SDK1: variants seen among roughly 807,000 people sequenced by gnomAD.
The protein encoded by SDK1 is protein sidekick-1.
Under a neutral mutation model 245.5 loss-of-function variants are expected in SDK1, and 157 were observed. The ratio of observed to expected loss-of-function variants is 0.64; its 90% CI spans 0.56 to 0.73. The LOEUF is 0.73. Ranked by LOEUF, SDK1 falls within the 30% of genes least tolerant of loss-of-function variation. SDK1 has a pLI of 0.00. For synonymous variants in SDK1, 1,647 were observed against 1,278.5 expected, an observed-to-expected ratio of 1.29 and a Z score of -6.15; for missense variants, 3,583 against 3,002.3, an observed-to-expected ratio of 1.19 and a Z score of -4.52.
chr7:3,472,976 A>G (rs906822614), intron 1 of SDK1, among the ~76,000 whole-genome samples: 2 of 151,852 alleles, frequency 1.3e-5, no homozygotes, highest in Non-Finnish European at 2.9e-5. Flanking sequence ...CTGCTATTTG[A>G]CCCTTTCCCT....
intron 1 of SDK1, among the ~76,000 whole-genome samples, chr7:3,535,885 AT>A (rs1440866061): frequency 6.6e-6 from 1 of 151,978 alleles, no homozygotes; most frequent in Non-Finnish European, 1.5e-5. Flanking sequence ...GCACTATATC[AT>A]TTTTTCTCAC....
intron 38 of SDK1, among the ~76,000 whole-genome samples, chr7:4,218,488 A>G (rs1433801150): frequency 6.6e-6 from 1 of 152,268 alleles, no homozygotes; most frequent in Non-Finnish European, 1.5e-5. Context: ...GAAAACACTG[A>G]ACCAGCTAGA....
intron 6 of SDK1, 125 bp downstream of exon 6, chr7:3,951,159 G>T (rs1189547074): frequency 2.8e-6 from 2 of 714,268 alleles, no homozygotes; most frequent in African/African-American, 1.8e-5. Context: ...GTTTGGCCGG[G>T]TGGGCCATGA....
intron 4 of SDK1, among the ~76,000 whole-genome samples, chr7:3,730,766 AG>A (rs1779153059): frequency 6.6e-6 from 1 of 152,166 alleles, no homozygotes; most frequent in Non-Finnish European, 1.5e-5. Context: ...GAAGAGCCTC[AG>A]ACATAGCAAG....
Position 3,950,944 on chromosome 7 carries a change from C to G in SDK1, c.869C>G (p.Thr290Ser), listed in dbSNP as rs556806737. ...SIARDVGTPE[T>S]MAPTIVVPPG... ...ACAGGAGATGTTGGCACACCTGAAA[C>G]CATGGCCCCAACCATTGTGGTTCCC... The change falls in exon 6 of 45, where the codon ACC becomes AGC. Residue 290 changes from threonine (T) to serine (S), a missense_variant. Thr to Ser is a moderately conservative substitution (Grantham distance 58). Coordinates refer to ENST00000404826, the MANE Select transcript of SDK1 (RefSeq NM_152744.4). 8.1e-6 allele frequency: 13 copies of G among 1,613,928 alleles called. No individual in the cohort carries two copies. In the East Asian group the frequency reaches 2.7e-4, roughly 33 times the overall value.
chr7:4,042,494 G>A lies in SDK1; in HGVS notation c.2603-6854G>A, dbSNP rs575094126. 3.7e-5 allele frequency among the ~76,000 whole-genome samples: 5 copies of A among 136,496 alleles called. 2 individuals are homozygous for A. Among genetic ancestry groups the A allele is most frequent in the African/African-American group, 6.7e-5 (2 of 29,856 alleles). 89.5% of individuals were successfully genotyped at this position (136,496 alleles called of 152,430 possible). A position where few individuals can be genotyped will look rare whatever the true frequency, so the allele number is the denominator to read the frequency against. On this transcript the variant is annotated intron_variant, in intron 17 of 44. Coordinates refer to ENST00000404826, the MANE Select transcript of SDK1 (RefSeq NM_152744.4). ...AGAGCCAGCTCAGCCAGGTGCCTGC[G>A]TGGGGGGAATTATCCAGTGAAAAGA...
intron 30 of SDK1, among the ~76,000 whole-genome samples, chr7:4,155,736 A>T (rs1417086461): frequency 2.0e-5 from 3 of 152,170 alleles, no homozygotes; most frequent in East Asian, 1.9e-4. Flanking sequence ...AACTTCGCAG[A>T]TGGGGAATAG....
At chr7:3,408,665 A>G (rs972842952) in intron 1 of SDK1, among the ~76,000 whole-genome samples, 28 of 152,154 alleles carry the variant, frequency 1.8e-4, no homozygotes, top group African/African-American at 5.1e-4. Flanking sequence ...AAACGTATCA[A>G]TTTGACCTGT....
At chr7:3,767,578 C>T (rs1043750112) in intron 4 of SDK1, among the ~76,000 whole-genome samples, 5 of 152,154 alleles carry the variant, frequency 3.3e-5, no homozygotes, top group African/African-American at 9.7e-5. Context: ...GGTGTAAATA[C>T]TTTACATGTG....
At position 3,603,986 on chromosome 7, in the gene SDK1, A is replaced by G. The variant is rs576713310; in HGVS notation, c.299-15094A>G. Among the ~76,000 whole-genome samples, 235 of 152,262 alleles carry G rather than the reference A, an allele frequency of 1.5e-3. 2 individuals are homozygous for G. The highest frequency in any genetic ancestry group is 6.8e-3 in the Middle Eastern group (2 of 294). ...TCTGTTTATATGCTGGATTACCTTT[A>G]TTGATTTGCGTATGTTGAACCAGCC... On this transcript the variant is annotated intron_variant, in intron 1 of 44. Transcript: ENST00000404826.
At chr7:3,987,119 G>A in intron 13 of SDK1, 67 bp from the exon 14 acceptor site, 1 of 1,544,432 alleles carries the variant, frequency 6.5e-7, no homozygotes, top group Non-Finnish European at 8.9e-7. Context: ...TGCTGTAAGA[G>A]CTCAGGCTCA....
chr7:3,897,838 A>G lies in SDK1; in HGVS notation c.848-53085A>G, dbSNP rs531777640. On this transcript the variant is annotated intron_variant, in intron 5 of 44. Transcript: ENST00000404826. ...CTTTGATCAAATCCCCTTTCTTTCC[A>G]TATTCCTTTCCTTTTTTCTTTTCTT... Among the ~76,000 whole-genome samples, 6 of 152,104 alleles carry G rather than the reference A, an allele frequency of 3.9e-5. No homozygotes were observed. The South Asian group carries it at 1.0e-3, about 26-fold the overall frequency.
chr7:4,213,725 C>T (rs1310180329), intron 38 of SDK1, among the ~76,000 whole-genome samples: 1 of 152,166 alleles, frequency 6.6e-6, no homozygotes, highest in Non-Finnish European at 1.5e-5. Context: ...TTCTTGGCTT[C>T]TACCAAACCT....
chr7:3,384,445 A>T lies in SDK1; in HGVS notation c.298+82561A>T, dbSNP rs539251706. On this transcript the variant is annotated intron_variant, in intron 1 of 44. Coordinates refer to ENST00000404826, the MANE Select transcript of SDK1 (RefSeq NM_152744.4). Reference sequence around the variant, plus strand: ...ATAAACTTGGGAAAGACTGCGTCCTATATGCTTTTAGAAGAGTCACAGTGT... The same window carrying T: ...ATAAACTTGGGAAAGACTGCGTCCTTTATGCTTTTAGAAGAGTCACAGTGT... Among the ~76,000 whole-genome samples, 17 of 152,344 alleles carry T rather than the reference A, an allele frequency of 1.1e-4. No individual in the cohort carries two copies. In the South Asian group the frequency reaches 3.5e-3, roughly 32 times the overall value.
rs771018410 is a variant in SDK1 at position 3,962,835 on chromosome 7, C to A, written c.1413C>A (p.Thr471=). The change falls in exon 9 of 45, where the codon ACC becomes ACA. Residue 471 remains threonine, a synonymous_variant. Transcript: ENST00000404826. ...SNEGGEIQTH[T]YLDVTNIAPV... Reference sequence around the variant, plus strand: ...AAGGAGGGGAGATCCAGACCCACACCTACCTGGATGTAACCAGTGAGTACA... The same window carrying A: ...AAGGAGGGGAGATCCAGACCCACACATACCTGGATGTAACCAGTGAGTACA... 6.2e-7 allele frequency: 1 copy of A among 1,612,480 alleles called. No individual in the cohort carries two copies. The highest frequency in any genetic ancestry group is 1.1e-5 in the South Asian group (1 of 90,866).
At chr7:3,661,771 C>G (rs1349578642) in intron 4 of SDK1, among the ~76,000 whole-genome samples, 5 of 152,150 alleles carry the variant, frequency 3.3e-5, no homozygotes, top group African/African-American at 7.2e-5. Flanking sequence ...GGTTCAGACC[C>G]TGGCTGTGAT....
At chr7:3,715,569 A>G (rs1312129531) in intron 4 of SDK1, among the ~76,000 whole-genome samples, 2 of 152,232 alleles carry the variant, frequency 1.3e-5, no homozygotes, top group Non-Finnish European at 2.9e-5. Flanking sequence ...CCCAGACCCT[A>G]CAGAACAAAG....
At chr7:4,068,644 TGA>T (rs1780050344) in intron 20 of SDK1, among the ~76,000 whole-genome samples, 1 of 151,916 alleles carries the variant, frequency 6.6e-6, no homozygotes, top group Admixed American at 6.6e-5. Flanking sequence ...CCCTGGGCAG[TGA>T]GATCTCCTCT....
chr7:3,344,768 G>T (rs1780449903), intron 1 of SDK1, among the ~76,000 whole-genome samples: 1 of 152,166 alleles, frequency 6.6e-6, no homozygotes, highest in African/African-American at 2.4e-5. Context: ...ATATACTGCA[G>T]GAGTGTCCCT....
Sources: allele counts gnomAD v4.1 joint callset (sites outside exome capture counted in the v4.1 genomes callset), GRCh38; gene constraint gnomAD v4.1.1; transcripts MANE v1.5; gene names NCBI Gene and HGNC (gene_info 2026-07-23, HGNC 2026-07-21).